NRXN3: variants seen among roughly 807,000 people sequenced by gnomAD.
The protein encoded by NRXN3 is neurexin 3, also known as neurexin III.
NRXN3 carries 32 observed loss-of-function variants against 137.6 expected under a neutral mutation model. The observed-to-expected ratio is 0.23, with a 90% confidence interval of 0.18 to 0.31. The LOEUF (loss-of-function observed/expected upper bound fraction) is 0.31, where lower values mean the gene tolerates loss of function less well. Among genes scored for constraint, NRXN3 ranks in the 10% least tolerant of loss-of-function variants. The probability of loss-of-function intolerance (pLI) is 1.00; values close to 1 mark genes in which losing one functional copy is unlikely to be tolerated. For missense variants in NRXN3, 1,574 were observed against 2,062.5 expected (o/e 0.76, Z 4.59); for synonymous variants, 798 against 784.5 (o/e 1.02, Z -0.29).
At chr14:79,266,755 G>T (rs2078518621) in intron 15 of NRXN3, among the ~76,000 whole-genome samples, 2 of 152,060 alleles carry the variant, frequency 1.3e-5, no homozygotes, top group Non-Finnish European at 2.9e-5. Flanking sequence ...TTTGTGATGG[G>T]AACACAAAAA....
At chr14:78,303,626 A>T (rs1032178317) in intron 4 of NRXN3, among the ~76,000 whole-genome samples, 1 of 151,830 alleles carries the variant, frequency 6.6e-6, no homozygotes, top group Admixed American at 6.6e-5. Flanking sequence ...CCCACCTATC[A>T]CCCCTGCCAG....
At chr14:79,507,824 G>T (rs2096892694) in intron 16 of NRXN3, among the ~76,000 whole-genome samples, 1 of 152,088 alleles carries the variant, frequency 6.6e-6, no homozygotes, top group Admixed American at 6.6e-5. Context: ...AAGAAAATGG[G>T]CAGGGAGGCT....
chr14:78,863,456 G>A (rs936302853), intron 10 of NRXN3, among the ~76,000 whole-genome samples: 4 of 151,880 alleles, frequency 2.6e-5, no homozygotes, highest in Non-Finnish European at 4.4e-5. Context: ...CATACTGCCT[G>A]CTCTGATTGC....
rs370816875 is a variant in NRXN3, at chr14:79,033,587, G to A, written c.3262+45446G>A. ...TGTCTCTCCTAAAGAGTTATATTTTGATCAACCTCACTCTTACTGCAGTGG... is the reference window on the plus strand; with the variant it reads ...TGTCTCTCCTAAAGAGTTATATTTTAATCAACCTCACTCTTACTGCAGTGG... On this transcript the variant is annotated intron_variant, in intron 15 of 20. Transcript: ENST00000335750. 1.6e-4 allele frequency among the ~76,000 whole-genome samples: 24 copies of A among 152,144 alleles called. No individual in the cohort carries two copies. In the South Asian group the frequency reaches 1.9e-3, roughly 12 times the overall value.
intron 20 of NRXN3, among the ~76,000 whole-genome samples, chr14:79,841,317 G>A (rs1228847744): frequency 6.6e-6 from 1 of 152,108 alleles, no homozygotes; most frequent in Non-Finnish European, 1.5e-5. Flanking sequence ...GAGTTTTATT[G>A]TAAGAGAACT....
chr14:79,094,548 T>C (rs1247372777), intron 15 of NRXN3, among the ~76,000 whole-genome samples: 1 of 152,206 alleles, frequency 6.6e-6, no homozygotes, highest in Non-Finnish European at 1.5e-5. Flanking sequence ...TTTCAAACCT[T>C]ATGCAATTGT....
intron 15 of NRXN3, among the ~76,000 whole-genome samples, chr14:79,306,771 A>G (rs2086148480): frequency 6.6e-6 from 1 of 152,112 alleles, no homozygotes; most frequent in African/African-American, 2.4e-5. Flanking sequence ...GCAAGATAGC[A>G]TCTTGTTTGA....
chr14:79,616,506 A>G (rs2098157736), intron 16 of NRXN3, among the ~76,000 whole-genome samples: 1 of 152,176 alleles, frequency 6.6e-6, no homozygotes, highest in Non-Finnish European at 1.5e-5. Flanking sequence ...TCAAGAAGGA[A>G]GAATTTAAAA....
intron 15 of NRXN3, among the ~76,000 whole-genome samples, chr14:79,432,979 T>C (rs1423174300): frequency 6.6e-6 from 1 of 152,182 alleles, no homozygotes; most frequent in African/African-American, 2.4e-5. Context: ...CTTTTGCTAT[T>C]CACTTTCATC....
At chr14:78,415,918 G>C (rs984806748) in intron 4 of NRXN3, among the ~76,000 whole-genome samples, 3 of 151,800 alleles carry the variant, frequency 2.0e-5, no homozygotes, top group African/African-American at 7.3e-5. Context: ...CTTCCAACCT[G>C]TAGAAACATG....
chr14:78,490,539 T>C (rs1243520219), intron 4 of NRXN3, among the ~76,000 whole-genome samples: 1 of 152,192 alleles, frequency 6.6e-6, no homozygotes, highest in African/African-American at 2.4e-5. Flanking sequence ...CCTGCCTCAG[T>C]TGAATGCATC....
intron 15 of NRXN3, chr14:79,314,200 G>C (rs2087782763): frequency 7.0e-6 from 1 of 141,980 alleles, no homozygotes; most frequent in South Asian, 2.4e-4. Flanking sequence ...GCAGGCCAGT[G>C]TGTGCGCGCA....
intron 10 of NRXN3, among the ~76,000 whole-genome samples, chr14:78,946,900 T>G (rs1042054328): frequency 6.6e-6 from 1 of 152,220 alleles, no homozygotes; most frequent in Non-Finnish European, 1.5e-5. Context: ...TTTTTGTTGA[T>G]GTTCTAGTTT....
At chr14:79,850,161 A>G (rs1237616946) in intron 20 of NRXN3, among the ~76,000 whole-genome samples, 2 of 152,200 alleles carry the variant, frequency 1.3e-5, no homozygotes, top group Non-Finnish European at 2.9e-5. Context: ...CAAAATCTTC[A>G]TTAGGTATTT....
intron 20 of NRXN3, among the ~76,000 whole-genome samples, chr14:79,806,055 T>A (rs1266196859): frequency 6.6e-6 from 1 of 152,228 alleles, no homozygotes; most frequent in Non-Finnish European, 1.5e-5. Context: ...TAAACGTTTA[T>A]ATGTATATAA....
At chr14:79,621,732 C>G (rs1405220470) in intron 16 of NRXN3, among the ~76,000 whole-genome samples, 2 of 152,100 alleles carry the variant, frequency 1.3e-5, no homozygotes, top group Non-Finnish European at 2.9e-5. Context: ...CTCTTTAGAC[C>G]CAATTTACAA....
chr14:78,992,112 T>C (rs1186747384), intron 15 of NRXN3, among the ~76,000 whole-genome samples: 1 of 152,222 alleles, frequency 6.6e-6, no homozygotes, highest in Non-Finnish European at 1.5e-5. Flanking sequence ...TTGTCTTACA[T>C]AGTTTTAGAT....
chr14:78,752,819 G>A (rs368839608), intron 8 of NRXN3, among the ~76,000 whole-genome samples: 2 of 152,156 alleles, frequency 1.3e-5, no homozygotes, highest in Non-Finnish European at 2.9e-5. Context: ...TTTCACGCAG[G>A]GGGTTGTAAG....
At chr14:79,215,507 G>A (rs181808880) in intron 15 of NRXN3, among the ~76,000 whole-genome samples, 2 of 152,260 alleles carry the variant, frequency 1.3e-5, no homozygotes, top group African/African-American at 4.8e-5. Flanking sequence ...TGTGGCTGGG[G>A]AAGCCTCACA....
Sources: gnomAD v4.1 joint callset for allele counts (sites outside exome capture counted in the v4.1 genomes callset) on GRCh38, gnomAD v4.1.1 for gene constraint, MANE v1.5 for transcripts, NCBI Gene and HGNC (gene_info 2026-07-23, HGNC 2026-07-21) for gene names.